The following ESRRG variants were observed in gnomAD, a reference collection of about 807,000 sequenced individuals.
ESRRG encodes estrogen related receptor gamma, also known as estrogen-related receptor gamma.
In ESRRG, 13 loss-of-function variants were observed where a neutral mutation model predicts 44.0. That is an observed-to-expected ratio of 0.30 (90% confidence interval 0.19 to 0.47). ESRRG has a LOEUF of 0.47. ESRRG is among the 20% of genes least tolerant of loss of function. ESRRG has a pLI of 1.00. For missense variants in ESRRG, 395 were observed against 580.6 expected (o/e 0.68, Z 3.29); for synonymous variants, 215 against 214.6 (o/e 1.00, Z -0.02).
intron 2 of ESRRG, among the ~76,000 whole-genome samples, chr1:216,672,910 A>ATGATGG (rs1209910947): frequency 6.6e-6 from 1 of 152,158 alleles, no homozygotes; most frequent in African/African-American, 2.4e-5. Context: ...ATCTTAACAG[A>ATGATGG]TGATGGTGTA....
intron 1 of ESRRG, among the ~76,000 whole-genome samples, chr1:216,961,981 A>G (rs1469728583): frequency 6.6e-6 from 1 of 152,146 alleles, no homozygotes; most frequent in Non-Finnish European, 1.5e-5. Flanking sequence ...CATTATTGCA[A>G]TTATTTTACC....
intron 2 of ESRRG, among the ~76,000 whole-genome samples, chr1:216,925,082 G>A (rs781144763): frequency 7.9e-5 from 12 of 152,080 alleles, no homozygotes; most frequent in South Asian, 2.1e-4. Context: ...CAGTTCTCCC[G>A]CAGGGAGACA....
At chr1:216,961,722 T>C (rs1434842195) in intron 1 of ESRRG, among the ~76,000 whole-genome samples, 4 of 152,184 alleles carry the variant, frequency 2.6e-5, no homozygotes, top group Non-Finnish European at 4.4e-5. Context: ...TAGGTGGCAT[T>C]GTTGTAACAT....
intron 2 of ESRRG, among the ~76,000 whole-genome samples, chr1:216,912,183 A>AAGAAAAGAAGAGGAGAGGAGAGGAG (rs1560083326): frequency 4.7e-5 from 1 of 21,156 alleles, no homozygotes; most frequent in Non-Finnish European, 7.9e-5. Context: ...AAGAAAAGAA[A>AAGAAAAGAAGAGGAGAGGAGAGGAG]AGGAGAGGAG....
intron 2 of ESRRG, among the ~76,000 whole-genome samples, chr1:216,905,405 C>T (rs1314500858): frequency 6.6e-6 from 1 of 152,120 alleles, no homozygotes; most frequent in East Asian, 1.9e-4. Context: ...CAAATCTTCA[C>T]AGGATCAGCT....
intron 1 of ESRRG, among the ~76,000 whole-genome samples, chr1:217,067,528 AC>A (rs58156961): frequency 0.14 from 20,736 of 152,108 alleles, 2,100 homozygotes; most frequent in East Asian, 0.59. Context: ...TCTATATGAC[AC>A]CAGTTTGTTC....
chr1:216,806,821 C>G (rs1391624085), intron 2 of ESRRG, among the ~76,000 whole-genome samples: 1 of 152,198 alleles, frequency 6.6e-6, no homozygotes, highest in Non-Finnish European at 1.5e-5. Flanking sequence ...GAATTACATT[C>G]AGGTGTCAGC....
At chr1:216,837,646 A>G (rs961882995) in intron 2 of ESRRG, among the ~76,000 whole-genome samples, 1 of 152,130 alleles carries the variant, frequency 6.6e-6, no homozygotes, top group Admixed American at 6.5e-5. Flanking sequence ...GAGATGAGGA[A>G]TTCCTCATGA....
chr1:216,771,322 A>G (rs1576365288), intron 2 of ESRRG, among the ~76,000 whole-genome samples: 1 of 152,310 alleles, frequency 6.6e-6, no homozygotes, highest in East Asian at 1.9e-4. Context: ...TTATAACAGT[A>G]TGTAAAAAAT....
chr1:216,822,074 T>G (rs2148628298), intron 2 of ESRRG, among the ~76,000 whole-genome samples: 1 of 152,264 alleles, frequency 6.6e-6, no homozygotes, highest in Non-Finnish European at 1.5e-5. Flanking sequence ...AATCACAGTA[T>G]CTCAGATTGG....
chr1:217,005,365 G>T (rs997936698), intron 1 of ESRRG, among the ~76,000 whole-genome samples: 1 of 152,094 alleles, frequency 6.6e-6, no homozygotes, highest in East Asian at 1.9e-4. Context: ...AAAGACTGGT[G>T]CCTTTTCTCC....
chr1:217,068,243 C>T (rs560407572), intron 1 of ESRRG, among the ~76,000 whole-genome samples: 12 of 152,254 alleles, frequency 7.9e-5, no homozygotes, highest in African/African-American at 2.6e-4. Context: ...AGCCGCTGTG[C>T]CCTTCCCTGT....
At chr1:217,014,556 A>C (rs2079077114) in intron 1 of ESRRG, among the ~76,000 whole-genome samples, 1 of 152,142 alleles carries the variant, frequency 6.6e-6, no homozygotes, top group South Asian at 2.1e-4. Context: ...GGTCCTCTAT[A>C]AAATCATACA....
intron 2 of ESRRG, chr1:216,805,340 A>G (rs1438522927): frequency 6.6e-6 from 1 of 152,032 alleles, no homozygotes; most frequent in Admixed American, 6.6e-5. Context: ...TGAGTTAGCT[A>G]GCAATATTCC....
intron 1 of ESRRG, among the ~76,000 whole-genome samples, chr1:217,064,972 T>G (rs2089372562): frequency 6.6e-6 from 1 of 152,158 alleles, no homozygotes; most frequent in Non-Finnish European, 1.5e-5. Flanking sequence ...TTATAGTCCC[T>G]CCTATAATGC....
rs115565269 is a variant in ESRRG, at chr1:216,545,545, A to C, written c.862+18674T>G. ...AAAATTCAAATGTCTTCAAATATACATAGCTTTGATCTAAGTATTTAGAAC... is the reference window on the plus strand; with the variant it reads ...AAAATTCAAATGTCTTCAAATATACCTAGCTTTGATCTAAGTATTTAGAAC... On this transcript the variant is annotated intron_variant, in intron 5 of 6. Transcript: ENST00000408911. Among the ~76,000 whole-genome samples the C allele has an allele frequency of 7.8e-3, 1,188 of 152,186 alleles. 6 individuals are homozygous for C. Among genetic ancestry groups the C allele is most frequent in the African/African-American group, 0.027 (1,127 of 41,554 alleles).
chr1:216,835,257 C>T (rs1452475373), intron 2 of ESRRG, among the ~76,000 whole-genome samples: 1 of 152,062 alleles, frequency 6.6e-6, no homozygotes, highest in Admixed American at 6.6e-5. Context: ...ATCGGGCAGC[C>T]CCCAGAATCA....
At chr1:216,923,742 T>G (rs2062139503) in intron 2 of ESRRG, among the ~76,000 whole-genome samples, 1 of 152,194 alleles carries the variant, frequency 6.6e-6, no homozygotes, top group South Asian at 2.1e-4. Flanking sequence ...CTGCTGCATT[T>G]TTCAGGCATA....
At chr1:216,945,713 G>A (rs1264856902) in intron 1 of ESRRG, among the ~76,000 whole-genome samples, 1 of 152,210 alleles carries the variant, frequency 6.6e-6, no homozygotes, top group East Asian at 1.9e-4. Context: ...ACAAGAAATT[G>A]CATCATTCAC....
Sources: allele counts gnomAD v4.1 joint callset (sites outside exome capture counted in the v4.1 genomes callset), GRCh38; gene constraint gnomAD v4.1.1; transcripts MANE v1.5; gene names NCBI Gene and HGNC (gene_info 2026-07-23, HGNC 2026-07-21).